The following NR2C2 variants were observed in gnomAD, a reference collection of about 807,000 sequenced individuals.
The protein encoded by NR2C2 is Nuclear hormone receptor TR4.
NR2C2 carries 6 observed loss-of-function variants against 62.9 expected under a neutral mutation model. The observed-to-expected ratio is 0.10, with a 90% CI of 0.05 to 0.19. NR2C2 has a LOEUF of 0.19. Ranked by LOEUF, NR2C2 falls within the 10% of genes least tolerant of loss-of-function variation. The pLI is 1.00. For synonymous variants in NR2C2, 272 were observed against 273.8 expected, an observed-to-expected ratio of 0.99 and a Z score of 0.07; for missense variants, 479 against 762.7, an observed-to-expected ratio of 0.63 and a Z score of 4.38.
At chr3:15,025,081 T>C (rs11720847) in intron 7 of NR2C2, among the ~76,000 whole-genome samples, 1 of 152,216 alleles carries the variant, frequency 6.6e-6, no homozygotes, top group Non-Finnish European at 1.5e-5. Flanking sequence ...GCCACATGCA[T>C]GATGGGAGCT....
At chr3:14,969,240 G>A (rs2039962988) in intron 1 of NR2C2, among the ~76,000 whole-genome samples, 1 of 144,220 alleles carries the variant, frequency 6.9e-6, no homozygotes, top group African/African-American at 2.6e-5. Context: ...CCTAAATAAA[G>A]ATTCTTTTTT....
At chr3:14,953,060 G>A (rs188094465) in intron 1 of NR2C2, among the ~76,000 whole-genome samples, 48 of 152,326 alleles carry the variant, frequency 3.2e-4, no homozygotes, top group Admixed American at 2.7e-3. Context: ...AGAAGGATGG[G>A]AGGTGAATTG....
intron 7 of NR2C2, among the ~76,000 whole-genome samples, chr3:15,025,338 C>T (rs139984525): frequency 5.9e-4 from 90 of 152,334 alleles, no homozygotes; most frequent in African/African-American, 2.1e-3. Flanking sequence ...TCTTCGTAGC[C>T]ACATGCTTCT....
chr3:14,953,875 A>G (rs532977531), intron 1 of NR2C2, among the ~76,000 whole-genome samples: 13 of 149,708 alleles, frequency 8.7e-5, no homozygotes, highest in Admixed American at 4.7e-4. Context: ...AGCCTGGGCG[A>G]CAGTGCGAGA....
chr3:15,001,867 C>G (rs909321993), intron 1 of NR2C2, among the ~76,000 whole-genome samples: 2 of 152,092 alleles, frequency 1.3e-5, no homozygotes, highest in Admixed American at 1.3e-4. Flanking sequence ...ATCCTCCTAC[C>G]TCGGTCTCCC....
chr3:14,972,310 G>A lies in NR2C2; in HGVS notation c.-40+24404G>A, dbSNP rs145886241. The stretch of plus-strand genomic sequence containing the variant: ...ATGTCTCAGCCACCTGAATAGCTGG[G>A]ATTACAGGCGCACACCACCACACCT... On this transcript the variant is annotated intron_variant, in intron 1 of 13. Coordinates refer to ENST00000425241, the MANE Select transcript of NR2C2 (RefSeq NM_001291694.2). 4.6e-5 allele frequency among the ~76,000 whole-genome samples: 7 copies of A among 152,016 alleles called. No homozygotes were observed. The East Asian group carries it at 1.2e-3, about 25-fold the overall frequency.
At chr3:14,990,977 A>G (rs1257376592) in intron 1 of NR2C2, among the ~76,000 whole-genome samples, 1 of 152,200 alleles carries the variant, frequency 6.6e-6, no homozygotes, top group Middle Eastern at 3.4e-3. Context: ...TTGGCAGGTT[A>G]CTCTGCCTGT....
chr3:14,961,653 T>C (rs1484426135), intron 1 of NR2C2, among the ~76,000 whole-genome samples: 3 of 152,202 alleles, frequency 2.0e-5, no homozygotes, highest in Non-Finnish European at 4.4e-5. Context: ...TCAGCAATGC[T>C]GGTACTCAAA....
chr3:15,041,498 T>G (rs2042263651), intron 13 of NR2C2, among the ~76,000 whole-genome samples: 1 of 152,170 alleles, frequency 6.6e-6, no homozygotes, highest in South Asian at 2.1e-4. Context: ...TAAGCAGTAT[T>G]CACTCTAGAA....
chr3:14,964,107 A>G, intron 1 of NR2C2, among the ~76,000 whole-genome samples: 1 of 152,218 alleles, frequency 6.6e-6, no homozygotes, highest in East Asian at 1.9e-4. Flanking sequence ...CTTTAGGTGA[A>G]ACCACATATA....
chr3:14,989,365 G>T (rs530038677), intron 1 of NR2C2, among the ~76,000 whole-genome samples: 1 of 152,292 alleles, frequency 6.6e-6, no homozygotes, highest in Admixed American at 6.5e-5. Flanking sequence ...GTATTCATGT[G>T]CCCGGTGCGT....
intron 1 of NR2C2, among the ~76,000 whole-genome samples, chr3:14,984,832 GT>G (rs774923324): frequency 2.0e-4 from 29 of 145,942 alleles, no homozygotes; most frequent in African/African-American, 3.7e-4. Flanking sequence ...TCATATGGTG[GT>G]TTTTTTTTTT....
chr3:14,960,385 A>T (rs2039657583), intron 1 of NR2C2, among the ~76,000 whole-genome samples: 1 of 152,146 alleles, frequency 6.6e-6, no homozygotes, highest in Admixed American at 6.6e-5. Flanking sequence ...CTGTTGTTAG[A>T]TTTATCTTGG....
chr3:14,958,475 T>C (rs2039591267), intron 1 of NR2C2, among the ~76,000 whole-genome samples: 1 of 152,152 alleles, frequency 6.6e-6, no homozygotes, highest in African/African-American at 2.4e-5. Flanking sequence ...AGTACTAGCC[T>C]TTAGGACTCA....
intron 3 of NR2C2, 116 bp downstream of exon 3, chr3:15,013,905 T>C: frequency 1.9e-6 from 2 of 1,076,028 alleles, no homozygotes; most frequent in Non-Finnish European, 1.4e-6. Context: ...CTTGGGGACC[T>C]GCAAACATGG....
rs952139925 is a variant in NR2C2, at chr3:15,037,875, T to C, written c.1373-125T>C. The C allele has an allele frequency of 4.8e-6, 5 of 1,051,318 alleles. No homozygotes were observed. In the African/African-American group the frequency reaches 8.1e-5, roughly 17 times the overall value. 65.1% of individuals were successfully genotyped at this position (1,051,318 alleles called of 1,614,324 possible). On this transcript the variant is annotated intron_variant, in intron 11 of 13. Transcript: ENST00000425241. The stretch of plus-strand genomic sequence containing the variant: ...CTGGAAAATGAAGCTCTTGTTCACC[T>C]TGAGATTACTGATTTTTCATTAAAA...
chr3:15,029,792 A>AATACATAGATAGATAGATAGATAG (rs55834583), intron 8 of NR2C2, among the ~76,000 whole-genome samples: 1 of 139,194 alleles, frequency 7.2e-6, no homozygotes, highest in Non-Finnish European at 1.5e-5. Context: ...GTAAATAAAT[A>AATACATAGATAGATAGATAGATAG]ATAGATAGAT....
chr3:14,994,624 G>A (rs963061063), intron 1 of NR2C2, among the ~76,000 whole-genome samples: 4 of 151,428 alleles, frequency 2.6e-5, no homozygotes, highest in African/African-American at 9.7e-5. Flanking sequence ...TGTATTTTCA[G>A]TAGAGGTGGG....
At chr3:14,996,779 G>T (rs2040844415) in intron 1 of NR2C2, among the ~76,000 whole-genome samples, 1 of 152,136 alleles carries the variant, frequency 6.6e-6, no homozygotes, top group Non-Finnish European at 1.5e-5. Context: ...AGCCAGGATG[G>T]TCTCAATCTC....
Sources: gnomAD v4.1 joint callset for allele counts (sites outside exome capture counted in the v4.1 genomes callset) on GRCh38, gnomAD v4.1.1 for gene constraint, MANE v1.5 for transcripts, NCBI Gene and HGNC (gene_info 2026-07-23, HGNC 2026-07-21) for gene names.